Variants in RSPO2 observed in about 807,000 individuals in gnomAD.
RSPO2 encodes the protein R-spondin 2.
RSPO2 carries 14 observed loss-of-function variants against 30.9 expected under a neutral mutation model. The observed-to-expected ratio is 0.45, with a 90% confidence interval of 0.30 to 0.71. The LOEUF is 0.71. Among genes scored for constraint, RSPO2 ranks in the 30% least tolerant of loss-of-function variants. The pLI, the probability that RSPO2 is intolerant of heterozygous loss-of-function variation, is 0.08. For missense variants in RSPO2, 264 were observed against 301.9 expected (o/e 0.87, Z 0.93); for synonymous variants, 107 against 96.4 (o/e 1.11, Z -0.64).
intron 2 of RSPO2, among the ~76,000 whole-genome samples, chr8:108,032,657 G>A (rs1304164068): frequency 2.6e-5 from 4 of 151,846 alleles, no homozygotes; most frequent in Non-Finnish European, 5.9e-5. Flanking sequence ...AAGAGGTAGG[G>A]CCTCACTCTG....
intron 4 of RSPO2, 62 bp downstream of exon 4, chr8:107,960,612 T>G: frequency 2.0e-6 from 3 of 1,492,182 alleles, no homozygotes; most frequent in Non-Finnish European, 1.8e-6. Context: ...GCATGCATAT[T>G]TTTAAGAAAC....
At chr8:107,978,303 T>C (rs1814285558) in intron 3 of RSPO2, among the ~76,000 whole-genome samples, 1 of 152,136 alleles carries the variant, frequency 6.6e-6, no homozygotes. Context: ...GGTTGGCATC[T>C]GTAATCCCAG....
intron 5 of RSPO2, among the ~76,000 whole-genome samples, chr8:107,924,663 G>C (rs1272499463): frequency 6.6e-6 from 1 of 151,926 alleles, no homozygotes; most frequent in African/African-American, 2.4e-5. Flanking sequence ...TTGATGAACA[G>C]ACAAACTGAA....
At chr8:108,033,102 T>C (rs1421273932) in intron 2 of RSPO2, among the ~76,000 whole-genome samples, 2 of 149,790 alleles carry the variant, frequency 1.3e-5, no homozygotes, top group Middle Eastern at 3.2e-3. Flanking sequence ...GGTCTCGCTA[T>C]GTTACCCAAG....
chr8:108,070,073 A>G (rs1812791355), intron 2 of RSPO2, among the ~76,000 whole-genome samples: 1 of 152,184 alleles, frequency 6.6e-6, no homozygotes, highest in South Asian at 2.1e-4. Context: ...TGAGGTATAC[A>G]CCTTCTTTTA....
rs114477297 is a variant in RSPO2 at position 107,969,158 on chromosome 8, C to T, written c.284-8341G>A. Among the ~76,000 whole-genome samples the T allele has an allele frequency of 2.8e-3, 432 of 152,226 alleles. 4 individuals carry two copies. Among genetic ancestry groups the T allele is most frequent in the African/African-American group, 9.8e-3 (407 of 41,560 alleles). ...ACCATCAGATAAAAAGGGGGAAATA[C>T]CTGACTTACCTATATCATACAATAA... On this transcript the variant is annotated intron_variant, in intron 3 of 5. Coordinates refer to ENST00000276659, the MANE Select transcript of RSPO2 (RefSeq NM_178565.5).
In RSPO2 at chr8:108,082,683, C is replaced by A; in HGVS notation, c.-45G>T. 1 of 1,539,198 alleles carries A rather than the reference C, an allele frequency of 6.5e-7. No homozygotes were observed. ...AGAGACGCCTCTCAAAGTCTAGGAA[C>A]TGGAGGGTTCGCCCAAAGAGCCGGC... On this transcript the variant is annotated 5_prime_UTR_variant, in exon 2 of 6. Transcript: ENST00000276659.
intron 2 of RSPO2, among the ~76,000 whole-genome samples, chr8:107,999,314 G>A (rs1815145095): frequency 6.6e-6 from 1 of 152,054 alleles, no homozygotes; most frequent in African/African-American, 2.4e-5. Flanking sequence ...CCTCAAATAT[G>A]GAAATCATCT....
At chr8:107,945,543 C>T (rs530552237) in intron 5 of RSPO2, among the ~76,000 whole-genome samples, 10 of 152,160 alleles carry the variant, frequency 6.6e-5, no homozygotes, top group South Asian at 4.2e-4. Context: ...CCACCGTGCT[C>T]GGCTTCTTTT....
At chr8:107,985,326 T>C (rs1289110123) in intron 3 of RSPO2, among the ~76,000 whole-genome samples, 2 of 152,164 alleles carry the variant, frequency 1.3e-5, no homozygotes, top group Non-Finnish European at 1.5e-5. Flanking sequence ...TGTAAAAATA[T>C]GTGTATGAGA....
In RSPO2 at chr8:107,958,304, A is replaced by T. The variant is rs200676238; in HGVS notation, c.428-36T>A. ...TTTTTAGAAAAAGAAAAAAAAACAC[A>T]AGCACATAAGTTAGTATCCATTTGC... On this transcript the variant is annotated intron_variant, in intron 4 of 5. Transcript: ENST00000276659. The T allele has an allele frequency of 6.7e-5, 103 of 1,531,692 alleles. No homozygotes were observed. In the African/African-American group the frequency reaches 1.3e-3, roughly 20 times the overall value. 94.9% of individuals were successfully genotyped at this position (1,531,692 alleles called of 1,614,324 possible).
chr8:108,032,036 A>G (rs1487091604), intron 2 of RSPO2, among the ~76,000 whole-genome samples: 2 of 152,240 alleles, frequency 1.3e-5, no homozygotes, highest in African/African-American at 2.4e-5. Context: ...CTACAGCTAC[A>G]GCTATGGCTG....
chr8:108,057,603 A>C (rs1812298070), intron 2 of RSPO2, among the ~76,000 whole-genome samples: 1 of 152,148 alleles, frequency 6.6e-6, no homozygotes, highest in South Asian at 2.1e-4. Context: ...TTTAAAAAGC[A>C]GGAGGCATAT....
At chr8:108,066,898 A>G (rs1168681246) in intron 2 of RSPO2, among the ~76,000 whole-genome samples, 1 of 152,182 alleles carries the variant, frequency 6.6e-6, no homozygotes, top group East Asian at 1.9e-4. Flanking sequence ...ACAACGAGAC[A>G]TTGTGTGCCT....
chr8:108,056,595 C>A (rs1216743821), intron 2 of RSPO2, among the ~76,000 whole-genome samples: 3 of 139,654 alleles, frequency 2.1e-5, no homozygotes, highest in African/African-American at 5.5e-5. Context: ...TGCACTCCAG[C>A]CTGGGTGACA....
At chr8:108,019,028 A>C (rs1407225000) in intron 2 of RSPO2, among the ~76,000 whole-genome samples, 6 of 152,200 alleles carry the variant, frequency 3.9e-5, no homozygotes, top group African/African-American at 1.2e-4. Flanking sequence ...ATAGAAGCAA[A>C]CTTGGTAGAA....
In RSPO2 at chr8:107,900,751, TA is replaced by T. The variant is rs1216519879; in HGVS notation, c.*323del. On this transcript the variant is annotated 3_prime_UTR_variant, in exon 6 of 6. Coordinates refer to ENST00000276659, the MANE Select transcript of RSPO2 (RefSeq NM_178565.5). ...TGCCTGCCAAGCATCTTCTTTCACA[TA>T]AATAGGCACAAGTCCGTCCTCCAGC... 1 of 229,868 alleles carries T rather than the reference TA, an allele frequency of 4.4e-6. No individual in the cohort carries two copies. Among genetic ancestry groups the T allele is most frequent in the African/African-American group, 2.3e-5 (1 of 44,342 alleles). The allele number at this position is 229,868 out of a possible 1,614,324, so 14.2% of individuals were successfully genotyped here. A position where few individuals can be genotyped will look rare whatever the true frequency, so the allele number is the denominator to read the frequency against.
intron 2 of RSPO2, among the ~76,000 whole-genome samples, chr8:108,060,593 A>T (rs1314021421): frequency 1.7e-4 from 26 of 151,888 alleles, no homozygotes; most frequent in Admixed American, 1.7e-3. Flanking sequence ...GAATGGAACC[A>T]AGTTGGAAAA....
rs1361797131 is a variant in RSPO2 at position 108,045,154 on chromosome 8, G to T, written c.94+37391C>A. 2.0e-5 allele frequency among the ~76,000 whole-genome samples: 3 copies of T among 152,168 alleles called. No individual in the cohort carries two copies. In the East Asian group the frequency reaches 5.8e-4, roughly 29 times the overall value. On this transcript the variant is annotated intron_variant, in intron 2 of 5. Coordinates refer to ENST00000276659, the MANE Select transcript of RSPO2 (RefSeq NM_178565.5). ...AGTAAACACACAGCCTACAGAATGG[G>T]AGAAAATACTCACAAACAACATATC...
Sources: gnomAD v4.1 joint callset for allele counts (sites outside exome capture counted in the v4.1 genomes callset) on GRCh38, gnomAD v4.1.1 for gene constraint, MANE v1.5 for transcripts, NCBI Gene and HGNC (gene_info 2026-07-23, HGNC 2026-07-21) for gene names.